The following UGT1A10 variants were observed in gnomAD, a reference collection of about 807,000 sequenced individuals.
UGT1A10 encodes the protein UDP glucuronosyltransferase family 1 member A10.
In UGT1A10, 49 loss-of-function variants were observed where a neutral mutation model predicts 45.8. The observed-to-expected ratio is 1.07, with a 90% confidence interval of 0.85 to 1.36. The LOEUF is 1.36. Ranked by LOEUF, UGT1A10 falls within the 40% of genes most tolerant of loss-of-function variation. The probability of loss-of-function intolerance (pLI) is 0.00; values close to 1 mark genes in which losing one functional copy is unlikely to be tolerated. For missense variants in UGT1A10, 745 were observed against 668.6 expected (o/e 1.11, Z -1.26); for synonymous variants, 284 against 249.7 (o/e 1.14, Z -1.29).
chr2:233,649,135 C>T, intron 1 of UGT1A10: 1 of 654,720 alleles, frequency 1.5e-6, no homozygotes, highest in Non-Finnish European at 2.2e-6. Flanking sequence ...TCTAAAATTT[C>T]TTTTCTGTGT....
rs66915469 is a variant in UGT1A10, at chr2:233,672,660, T to G, written c.855+35283T>G. The G allele has an allele frequency of 7.9e-5, 127 of 1,613,950 alleles. 1 individual carries two copies. In the East Asian group the frequency reaches 1.9e-3, roughly 25 times the overall value. On this transcript the variant is annotated intron_variant, in intron 1 of 4. Transcript: ENST00000344644. ...TTCTCCAAACACCTGTTACGGAGTA[T>G]GATCTCTACAGCCACACATCAATTT... is the stretch of plus-strand genomic sequence containing the variant.
At chr2:233,654,781 C>G (rs1272894513) in intron 1 of UGT1A10, among the ~76,000 whole-genome samples, 5 of 152,118 alleles carry the variant, frequency 3.3e-5, no homozygotes, top group Non-Finnish European at 7.4e-5. Context: ...TCCAGTGGCT[C>G]TATGTGAGTA....
At chr2:233,764,456 G>A (rs184552145) in intron 1 of UGT1A10, among the ~76,000 whole-genome samples, 34 of 152,210 alleles carry the variant, frequency 2.2e-4, no homozygotes, top group African/African-American at 7.9e-4. Context: ...TTAAACTTTC[G>A]TGATCTCCTG....
intron 1 of UGT1A10, among the ~76,000 whole-genome samples, chr2:233,698,148 C>T (rs1209454393): frequency 6.6e-6 from 1 of 152,182 alleles, no homozygotes; most frequent in Non-Finnish European, 1.5e-5. Context: ...ACTGTATTCC[C>T]AGCATGTCGT....
chr2:233,772,831 T>TCACACAAGAAAG lies in UGT1A10; in HGVS notation c.*273_*274insACACAAGAAAGC. 2 of 893,952 alleles carry TCACACAAGAAAG rather than the reference T, an allele frequency of 2.2e-6. No individual in the cohort carries two copies. Among genetic ancestry groups the TCACACAAGAAAG allele is most frequent in the Non-Finnish European group, 3.1e-6 (2 of 642,656 alleles). 55.4% of individuals were successfully genotyped at this position (893,952 alleles called of 1,614,324 possible). A position where few individuals can be genotyped will look rare whatever the true frequency, so the allele number is the denominator to read the frequency against. On this transcript the variant is annotated 3_prime_UTR_variant, in exon 5 of 5. Transcript: ENST00000344644. ...AGAGGACGTGCAGACAGGCTGGCAT[T>TCACACAAGAAAG]CTAGATTACTTTTCTTACTCTGAAA...
intron 1 of UGT1A10, among the ~76,000 whole-genome samples, chr2:233,650,802 G>A (rs146620974): frequency 6.6e-6 from 1 of 152,238 alleles, no homozygotes; most frequent in African/African-American, 2.4e-5. Context: ...TAACAAGTTA[G>A]TAAAAGTTTG....
chr2:233,693,993 C>T (rs1321694157), intron 1 of UGT1A10: 1 of 1,526,640 alleles, frequency 6.6e-7, no homozygotes, highest in Admixed American at 1.9e-5. Context: ...GAAGTGATAC[C>T]CGGCTCGGAG....
chr2:233,756,139 A>C lies in UGT1A10; in HGVS notation c.856-10895A>C, dbSNP rs548564023. ...CTTTGTAAAATTCTCCTGAAAAATT[A>C]CTGGGGATCCCTAGGATTTCCTGGC... On this transcript the variant is annotated intron_variant, in intron 1 of 4. Coordinates refer to ENST00000344644, the MANE Select transcript of UGT1A10 (RefSeq NM_019075.4). 16 of 152,358 alleles carry C rather than the reference A, an allele frequency of 1.1e-4. No individual in the cohort carries two copies. In the East Asian group the frequency reaches 1.4e-3, roughly 13 times the overall value. 9.4% of individuals were successfully genotyped at this position (152,358 alleles called of 1,614,324 possible). A position where few individuals can be genotyped will look rare whatever the true frequency, so the allele number is the denominator to read the frequency against.
At chr2:233,670,559 T>C (rs2074162184) in intron 1 of UGT1A10, among the ~76,000 whole-genome samples, 1 of 143,564 alleles carries the variant, frequency 7.0e-6, no homozygotes, top group African/African-American at 3.0e-5. Flanking sequence ...GCATGGCTTC[T>C]TCTATGTCTT....
At chr2:233,695,723 A>G (rs1232477680) in intron 1 of UGT1A10, among the ~76,000 whole-genome samples, 1 of 152,152 alleles carries the variant, frequency 6.6e-6, no homozygotes, top group Non-Finnish European at 1.5e-5. Flanking sequence ...ACTTCCAGTT[A>G]CATTTATGTT....
Position 233,719,515 on chromosome 2 carries a change from C to A in UGT1A10, c.856-47519C>A, listed in dbSNP as rs764297894. The A allele has an allele frequency of 1.9e-6, 3 of 1,613,962 alleles. No individual in the cohort carries two copies. In the Admixed American group the frequency reaches 5.0e-5, roughly 27 times the overall value. On this transcript the variant is annotated intron_variant, in intron 1 of 4. Coordinates refer to ENST00000344644, the MANE Select transcript of UGT1A10 (RefSeq NM_019075.4). ...TGCCATACTTTTTCTGCCCCTTATG[C>A]AAGTCTTGCCTCTGAGCTTTTTCAG...
At chr2:233,756,358 A>G (rs536694475) in intron 1 of UGT1A10, 1 of 152,314 alleles carries the variant, frequency 6.6e-6, no homozygotes, top group Non-Finnish European at 1.5e-5. Context: ...TTTACCTAAT[A>G]AATGTAAATG....
chr2:233,696,160 A>T (rs912176284), intron 1 of UGT1A10, among the ~76,000 whole-genome samples: 1 of 152,238 alleles, frequency 6.6e-6, no homozygotes, highest in African/African-American at 2.4e-5. Flanking sequence ...TATATCCAAA[A>T]GAAAAAAATA....
At chr2:233,645,598 G>T (rs1012369332) in intron 1 of UGT1A10, among the ~76,000 whole-genome samples, 3 of 152,202 alleles carry the variant, frequency 2.0e-5, no homozygotes, top group Non-Finnish European at 4.4e-5. Context: ...GGGGCTACAG[G>T]CCCCATGCAT....
intron 1 of UGT1A10, chr2:233,721,833 A>G (rs1417252749): frequency 1.9e-6 from 1 of 515,974 alleles, no homozygotes; most frequent in African/African-American, 1.9e-5. Flanking sequence ...TGGGCCACCG[A>G]CCTTGTGTCC....
intron 1 of UGT1A10, chr2:233,649,027 G>C: frequency 8.1e-7 from 1 of 1,241,952 alleles, no homozygotes; most frequent in Non-Finnish European, 1.1e-6. Context: ...AGTGCCTATG[G>C]TAAGTCATTG....
chr2:233,672,620 A>G, intron 1 of UGT1A10: 2 of 1,613,934 alleles, frequency 1.2e-6, no homozygotes, highest in Non-Finnish European at 1.7e-6. Context: ...AATGCCCTAG[A>G]AATAGCCTCT....
At chr2:233,684,226 G>A (rs1010844476) in intron 1 of UGT1A10, among the ~76,000 whole-genome samples, 8 of 152,154 alleles carry the variant, frequency 5.3e-5, no homozygotes, top group Admixed American at 4.6e-4. Flanking sequence ...ATGCAACCAA[G>A]CGCTTTCTAA....
rs45542332 is a variant in UGT1A10 at position 233,637,869 on chromosome 2, A to G, written c.855+492A>G. 6.6e-5 allele frequency among the ~76,000 whole-genome samples: 10 copies of G among 152,298 alleles called. No individual in the cohort carries two copies. The East Asian group carries it at 1.9e-3, about 29-fold the overall frequency. On this transcript the variant is annotated intron_variant, in intron 1 of 4. Transcript: ENST00000344644. ...TTTCACTTGCCAATAAATTATGGGTACCTTTATAGAGCAATACAGACAGAT... is the reference window on the plus strand; with the variant it reads ...TTTCACTTGCCAATAAATTATGGGTGCCTTTATAGAGCAATACAGACAGAT...
Sources: allele counts gnomAD v4.1 joint callset (sites outside exome capture counted in the v4.1 genomes callset), GRCh38; gene constraint gnomAD v4.1.1; transcripts MANE v1.5; gene names NCBI Gene and HGNC (gene_info 2026-07-23, HGNC 2026-07-21).